Variants in PLEC observed in about 807,000 individuals in gnomAD.
The protein encoded by PLEC is hemidesmosomal protein 1.
A neutral mutation model predicts 392.8 loss-of-function variants in PLEC; 216 were observed. The ratio of observed to expected loss-of-function variants is 0.55; its 90% CI spans 0.49 to 0.62. The LOEUF (loss-of-function observed/expected upper bound fraction) is 0.62, where lower values mean the gene tolerates loss of function less well. Ranked by LOEUF, PLEC falls within the 20% of genes least tolerant of loss-of-function variation. PLEC has a pLI of 0.00. For synonymous variants in PLEC, 3,621 were observed against 2,980.6 expected, an observed-to-expected ratio of 1.21 and a Z score of -7.00; for missense variants, 6,863 against 6,563.4, an observed-to-expected ratio of 1.05 and a Z score of -1.58.
chr8:143,922,507 C>T lies in PLEC; in HGVS notation c.7422G>A (p.Glu2474=), dbSNP rs1554689770. 1.2e-6 allele frequency: 2 copies of T among 1,608,944 alleles called. No individual in the cohort carries two copies. Among genetic ancestry groups the T allele is most frequent in the South Asian group, 2.2e-5 (2 of 91,092 alleles). ...TCGCACGTAGAGGGGGCGGTACCTC[C>T]TCAGACTTGAGCTGCAGCAGTTTGG... ...QEAKLLQLKS[E]EMQTVQQEQL... Residue 2474 remains glutamate (E), a synonymous_variant, in exon 31 of 32, where the codon GAG becomes GAA. Transcript: ENST00000345136.
At chr8:143,946,228 C>G (rs1831449339) in intron 1 of PLEC, 2 of 652,832 alleles carry the variant, frequency 3.1e-6, no homozygotes, top group Non-Finnish European at 4.6e-6. Flanking sequence ...GGGGGCTGTG[C>G]CTATCCCTGC....
chr8:143,930,103 C>T, intron 21 of PLEC, 41 bp from the exon 22 acceptor site: 1 of 1,601,164 alleles, frequency 6.2e-7, no homozygotes. Flanking sequence ...CAGCGCCCCA[C>T]CCGCCTTCCA....
Position 143,917,104 on chromosome 8 carries a change from G to A in PLEC, c.12717C>T (p.Asn4239=), listed in dbSNP as rs184192014. The A allele has an allele frequency of 9.5e-5, 152 of 1,605,550 alleles. 1 individual carries two copies. The South Asian group carries it at 1.2e-3, about 12-fold the overall frequency. Residue 4239 remains asparagine (N), a synonymous_variant, in exon 32 of 32, where the codon AAC becomes AAT. Transcript: ENST00000345136. ...AGGAACGGGAGCGGAAACCACCGGCGTTGCCCGAGAGCATGTCGGCGAACT... is the reference window on the plus strand; with the variant it reads ...AGGAACGGGAGCGGAAACCACCGGCATTGCCCGAGAGCATGTCGGCGAACT... ...ITEFADMLSG[N]AGGFRSRSSS...
At position 143,916,966 on chromosome 8, in the gene PLEC, G is replaced by A. The variant is rs951746264; in HGVS notation, c.12855C>T (p.Asp4285=). 9.9e-6 allele frequency: 16 copies of A among 1,612,804 alleles called. No individual in the cohort carries two copies. Among genetic ancestry groups the A allele is most frequent in the Non-Finnish European group, 4.2e-6 (5 of 1,180,016 alleles). ...EETGPVAGIL[D]TETLEKVSIT... ...TGGACACCTTCTCCAGCGTCTCCGT[G>A]TCCAGGATGCCAGCCACGGGGCCCG... The change falls in exon 32 of 32, where the codon GAC becomes GAT. Residue 4285 remains aspartate, a synonymous_variant. Transcript: ENST00000345136.
chr8:143,934,288 G>A, intron 11 of PLEC, 30 bp downstream of exon 11: 1 of 1,610,198 alleles, frequency 6.2e-7, no homozygotes, highest in Non-Finnish European at 8.5e-7. Context: ...CCCTCGGGTG[G>A]TTCCCCTGCC....
upstream of PLEC, among the ~76,000 whole-genome samples, chr8:143,974,298 C>T (rs1833580930): frequency 2.0e-5 from 3 of 152,266 alleles, no homozygotes; most frequent in Admixed American, 2.0e-4. The surrounding 1 kb of genome is among the most constrained non-coding windows in gnomAD (Gnocchi z 5.9). Flanking sequence ...CCACACTCCT[C>T]CACAACTGTA....
upstream of PLEC, chr8:143,973,636 G>A (rs1833552191): frequency 1.4e-6 from 1 of 692,356 alleles, no homozygotes. This position sits in a 1 kb window ranked among gnomAD's most constrained non-coding sequence, Gnocchi z 5.6. Flanking sequence ...GGGCCGCCGC[G>A]GCCGGGCAGA....
chr8:143,937,351 G>T (rs1475396922), intron 3 of PLEC, 109 bp from the exon 4 acceptor site: 2 of 805,592 alleles, frequency 2.5e-6, no homozygotes, highest in Non-Finnish European at 4.2e-6. Context: ...TCCCCAGGGG[G>T]CAGCAGCCCC....
At position 143,927,705 on chromosome 8, in the gene PLEC, C is replaced by T. The variant is rs781804291; in HGVS notation, c.3461G>A (p.Arg1154Gln). ...PTFDALRDELRGAQEVGERLQ... is the reference protein window; with the variant it reads ...PTFDALRDELQGAQEVGERLQ... ...TCGCTCCCCCACCTCCTGTGCCCCC[C>T]GCAGCTCATCCCGCAGGGCGTCGAA... Residue 1154 changes from arginine to glutamine, a missense_variant, in exon 27 of 32, where the codon CGG becomes CAG. Transcript: ENST00000345136. The T allele has an allele frequency of 1.4e-5, 22 of 1,586,240 alleles. No individual in the cohort carries two copies. The highest frequency in any genetic ancestry group is 2.3e-5 in the East Asian group (1 of 43,428).
rs781912324 is a variant in PLEC, at chr8:143,924,094, C to T, written c.5835G>A (p.Glu1945=). ...TGCTGCGGATGCGTCCCAGCTCCAG[C>T]TCCAGCTCCGCCTTGCCAGCGGCCG... ...EKAAAGKAEL[E]LELGRIRSNA... Residue 1945 remains glutamate, a synonymous_variant, in exon 31 of 32, where the codon GAG becomes GAA. Coordinates refer to ENST00000345136, the MANE Select transcript of PLEC (RefSeq NM_201384.3). 17 of 1,598,568 alleles carry T rather than the reference C, an allele frequency of 1.1e-5. No individual in the cohort carries two copies. Among genetic ancestry groups the T allele is most frequent in the Middle Eastern group, 3.3e-4 (2 of 6,058 alleles).
chr8:143,953,916 T>A (rs1226006004), upstream of PLEC: 8 of 1,454,884 alleles, frequency 5.5e-6, no homozygotes, highest in African/African-American at 1.2e-4. Context: ...CTTCAGCTGA[T>A]CAATGCGCCG....
At position 143,921,860 on chromosome 8, in the gene PLEC, G is replaced by A; in HGVS notation, c.7961C>T (p.Ser2654Leu). ...HSFDGLRRKV[S>L]AQRLQEAGIL... ...GCCGGCCTCCTGCAGCCTCTGAGCT[G>A]ACACCTTCCGCCGCAGGCCATCGAA... is the stretch of plus-strand genomic sequence containing the variant. Residue 2654 changes from serine to leucine, a missense_variant, in exon 32 of 32, where the codon TCA (serine) becomes TTA (leucine). Physicochemically the swap from Ser to Leu is moderately radical, Grantham distance 145 (BLOSUM62 -2). Transcript: ENST00000345136. 3 of 1,603,828 alleles carry A rather than the reference G, an allele frequency of 1.9e-6. No individual in the cohort carries two copies. Among genetic ancestry groups the A allele is most frequent in the East Asian group, 2.2e-5 (1 of 44,882 alleles).
upstream of PLEC, chr8:143,975,285 G>A: frequency 6.2e-7 from 1 of 1,610,100 alleles, no homozygotes; most frequent in South Asian, 1.1e-5. This position sits in a 1 kb window ranked among gnomAD's most constrained non-coding sequence, Gnocchi z 9.9. Flanking sequence ...TTCCAGGGCA[G>A]TGTGTCCCCA....
At position 143,929,125 on chromosome 8, in the gene PLEC, G is replaced by A. The variant is rs1399428681; in HGVS notation, c.3238C>T (p.Leu1080=). 3 of 1,582,606 alleles carry A rather than the reference G, an allele frequency of 1.9e-6. No individual in the cohort carries two copies. Among genetic ancestry groups the A allele is most frequent in the Non-Finnish European group, 2.6e-6 (3 of 1,165,576 alleles). The change falls in exon 25 of 32, where the codon CTG becomes TTG. Residue 1080 remains leucine, a synonymous_variant. Coordinates refer to ENST00000345136, the MANE Select transcript of PLEC (RefSeq NM_201384.3). ...CACTTCTCCAGGTAGATGGCAGACA[G>A]GCTGCGGACCTGCTCCAGCTTGCCC... ...TLGKLEQVRS[L]SAIYLEKLKT...
At position 143,920,803 on chromosome 8, in the gene PLEC, A is replaced by G. The variant is rs782065133; in HGVS notation, c.9018T>C (p.Ser3006=). Residue 3006 remains serine, a synonymous_variant, in exon 32 of 32, where the codon TCT becomes TCC. Transcript: ENST00000345136. The part of the protein sequence containing the change: ...LYQQLQRGER[S]VRDVAEVDTV... ...TGTCCACCTCGGCTACGTCTCGCAC[A>G]GAGCGCTCACCTCGCTGCAGCTGCT... 6.2e-7 allele frequency: 1 copy of G among 1,608,072 alleles called. No homozygotes were observed. Among genetic ancestry groups the G allele is most frequent in the South Asian group, 1.1e-5 (1 of 91,082 alleles).
At position 143,934,713 on chromosome 8, in the gene PLEC, G is replaced by A. The variant is rs368425406; in HGVS notation, c.963C>T (p.Phe321=). Residue 321 remains phenylalanine (F), a synonymous_variant, in exon 10 of 32, where the codon TTC becomes TTT. Transcript: ENST00000345136. ...FEEIEILWSQ[F]LKFKEMELPA... is the part of the protein sequence containing the mutation. ...GTAGCTCCATCTCCTTAAACTTCAGGAACTGAGACCACAGGATCTGCCAGG... is the reference window on the plus strand; with the variant it reads ...GTAGCTCCATCTCCTTAAACTTCAGAAACTGAGACCACAGGATCTGCCAGG... 7.8e-5 allele frequency: 126 copies of A among 1,612,480 alleles called. No individual in the cohort carries two copies. The African/African-American group carries it at 1.5e-3, about 19-fold the overall frequency.
Position 143,929,480 on chromosome 8 carries a change from G to C in PLEC, c.3015C>G (p.His1005Gln). Residue 1005 changes from histidine (H) to glutamine (Q), a missense_variant, in exon 24 of 32, where the codon CAC (histidine) becomes CAG (glutamine). Transcript: ENST00000345136. ...QLEACETRTV[H>Q]RLRLPLDKEP... The stretch of plus-strand genomic sequence containing the variant: ...CTTTGTCCAGCGGCAGCCGCAGGCG[G>C]TGCACGGTGCGCGTCTCACAGGCCT... 1 of 1,604,096 alleles carries C rather than the reference G, an allele frequency of 6.2e-7. No homozygotes were observed. Among genetic ancestry groups the C allele is most frequent in the East Asian group, 2.2e-5 (1 of 44,536 alleles).
intron 6 of PLEC, 134 bp downstream of exon 6, chr8:143,935,714 C>T (rs1554722593): frequency 1.0e-6 from 1 of 956,180 alleles, no homozygotes; most frequent in East Asian, 2.6e-5. Context: ...AACTCCACCA[C>T]CCCGAGGCGG....
At position 143,921,859 on chromosome 8, in the gene PLEC, T is replaced by C. The variant is rs913985474; in HGVS notation, c.7962A>G (p.Ser2654=). 3 of 1,604,186 alleles carry C rather than the reference T, an allele frequency of 1.9e-6. No homozygotes were observed. Among genetic ancestry groups the C allele is most frequent in the Admixed American group, 1.7e-5 (1 of 59,958 alleles). The change falls in exon 32 of 32, where the codon TCA becomes TCG. Residue 2654 remains serine (S), a synonymous_variant. Transcript: ENST00000345136. ...HSFDGLRRKV[S]AQRLQEAGIL... is the part of the protein sequence containing the mutation. ...TGCCGGCCTCCTGCAGCCTCTGAGC[T>C]GACACCTTCCGCCGCAGGCCATCGA...
Sources: gnomAD v4.1 joint callset for allele counts (sites outside exome capture counted in the v4.1 genomes callset) on GRCh38, gnomAD v4.1.1 for gene constraint, Gnocchi (gnomAD v3.1) non-coding constraint, MANE v1.5 for transcripts, NCBI Gene and HGNC (gene_info 2026-07-23, HGNC 2026-07-21) for gene names.